Variants in ATM observed in about 807,000 individuals in gnomAD.
The protein encoded by ATM is ATM serine/threonine kinase.
In ATM, 308 loss-of-function variants were observed where a neutral mutation model predicts 387.0. The observed-to-expected ratio is 0.80, with a 90% confidence interval of 0.73 to 0.87. The LOEUF (loss-of-function observed/expected upper bound fraction) is 0.87, where lower values mean the gene tolerates loss of function less well. Ranked by LOEUF, ATM falls within the 40% of genes least tolerant of loss-of-function variation. The pLI, the probability that ATM is intolerant of heterozygous loss-of-function variation, is 0.00. For synonymous variants in ATM, 1,156 were observed against 1,187.3 expected (o/e 0.97, Z 0.54); for missense variants, 3,312 against 3,560.9 (o/e 0.93, Z 1.78).
intron 58 of ATM, among the ~76,000 whole-genome samples, 190 bp from the exon 59 acceptor site, chr11:108,347,089 A>G (rs1041617338): frequency 2.0e-5 from 3 of 152,202 alleles, no homozygotes; most frequent in African/African-American, 7.2e-5. Context: ...AAAATGCAAT[A>G]TGCATTAAAA....
intron 10 of ATM, 91 bp from the exon 11 acceptor site, chr11:108,251,746 C>G (rs2080156809): frequency 8.0e-7 from 1 of 1,252,834 alleles, no homozygotes. Context: ...GTCACCTTAA[C>G]TAAATGTATG....
chr11:108,309,235 AC>A (rs547471033), intron 38 of ATM, among the ~76,000 whole-genome samples: 1 of 152,222 alleles, frequency 6.6e-6, no homozygotes, highest in Non-Finnish European at 1.5e-5. Flanking sequence ...CTGTCTTTGA[AC>A]CTCAGTCTTA....
intron 14 of ATM, 68 bp downstream of exon 14, chr11:108,256,408 A>G (rs1211510048): frequency 2.0e-6 from 3 of 1,522,644 alleles, no homozygotes. Context: ...GAAAATTATT[A>G]CATTTGTTTG....
At chr11:108,274,668 G>A (rs1177073820) in intron 22 of ATM, among the ~76,000 whole-genome samples, 9 of 152,206 alleles carry the variant, frequency 5.9e-5, no homozygotes, top group Admixed American at 5.2e-4. Context: ...TTTCCATGTA[G>A]TTGTGTGGTT....
chr11:108,362,180 C>CA (rs2090843696), intron 61 of ATM, among the ~76,000 whole-genome samples: 1 of 142,992 alleles, frequency 7.0e-6, no homozygotes, highest in South Asian at 2.4e-4. Context: ...TTTATGCAGC[C>CA]AAAAAACACA....
intron 30 of ATM, 62 bp downstream of exon 30, chr11:108,292,855 T>A (rs1050401439): frequency 2.6e-6 from 4 of 1,567,792 alleles, no homozygotes; most frequent in Non-Finnish European, 3.5e-6. Context: ...TTAGAAGGAT[T>A]TGAGTGTTTT....
At chr11:108,267,116 A>G in intron 16 of ATM, 55 bp from the exon 17 acceptor site, 1 of 1,572,606 alleles carries the variant, frequency 6.4e-7, no homozygotes, top group East Asian at 2.3e-5. Context: ...AATTTTGACT[A>G]CAGCATGCTC....
chr11:108,343,641 T>G (rs1057114428), intron 57 of ATM, among the ~76,000 whole-genome samples: 1 of 152,160 alleles, frequency 6.6e-6, no homozygotes, highest in South Asian at 2.1e-4. Flanking sequence ...GATAAACTAA[T>G]TCTTAGCAAA....
chr11:108,239,453 A>G lies in ATM; in HGVS notation c.496+3619A>G, dbSNP rs538169503. On this transcript the variant is annotated intron_variant, in intron 5 of 62. Transcript: ENST00000675843. ...TACCAAAATGTCTTTGAGGCTCATC[A>G]GTGTTACAGCTTTTGTCAGAATTTC... is the stretch of plus-strand genomic sequence containing the variant. Among the ~76,000 whole-genome samples the G allele has an allele frequency of 7.2e-4, 109 of 152,328 alleles. 1 individual carries two copies. Among genetic ancestry groups the G allele is most frequent in the African/African-American group, 2.5e-3 (103 of 41,582 alleles).
chr11:108,253,194 A>C (rs997759702), intron 12 of ATM, among the ~76,000 whole-genome samples: 1 of 152,184 alleles, frequency 6.6e-6, no homozygotes, highest in Non-Finnish European at 1.5e-5. Flanking sequence ...TAAGAATATA[A>C]AATTTATATG....
At position 108,338,274 on chromosome 11, in the gene ATM, C is replaced by T. The variant is rs560644674; in HGVS notation, c.8268+2313C>T. 5.9e-5 allele frequency among the ~76,000 whole-genome samples: 9 copies of T among 152,222 alleles called. No individual in the cohort carries two copies. The East Asian group carries it at 1.4e-3, about 23-fold the overall frequency. On this transcript the variant is annotated intron_variant, in intron 56 of 62. Transcript: ENST00000675843. ...GCTGAGGTGAGAGAATCACTTAAAC[C>T]CGGATGGCAGAGGTTGCAGTTGAGC...
intron 49 of ATM, 56 bp from the exon 50 acceptor site, chr11:108,330,158 T>C: frequency 6.4e-7 from 1 of 1,557,846 alleles, no homozygotes; most frequent in East Asian, 2.3e-5. Context: ...TGTGTGATTT[T>C]GTAGTTCTGT....
rs571178980 is a variant in ATM at position 108,319,753 on chromosome 11, T to TG, written c.6348-201_6348-200insG. Among the ~76,000 whole-genome samples, 421 of 152,372 alleles carry TG rather than the reference T, an allele frequency of 2.8e-3. 1 individual carries two copies. Among genetic ancestry groups the TG allele is most frequent in the African/African-American group, 9.7e-3 (403 of 41,590 alleles). ...AGCATATTTAGAACCAGGCAGAGTA[T>TG]CTGAGTAATTTCCTTTTTTTCTGCT... is the stretch of plus-strand genomic sequence containing the variant. On this transcript the variant is annotated intron_variant, in intron 43 of 62. Transcript: ENST00000675843.
At chr11:108,226,645 T>C (rs1237880441) in intron 1 of ATM, 2 of 152,162 alleles carry the variant, frequency 1.3e-5, no homozygotes, top group Non-Finnish European at 2.9e-5. Flanking sequence ...ACTTATCAGC[T>C]CCAAAGCATG....
At chr11:108,333,022 A>G (rs2086451137) in intron 53 of ATM, 122 bp downstream of exon 53, 7 of 1,254,664 alleles carry the variant, frequency 5.6e-6, no homozygotes, top group Non-Finnish European at 7.8e-6. Flanking sequence ...CAAAAGCTTA[A>G]TTTATATCTG....
At chr11:108,230,445 T>TTAC (rs2078953034) in intron 4 of ATM, 1 of 152,172 alleles carries the variant, frequency 6.6e-6, no homozygotes, top group Non-Finnish European at 1.5e-5. Context: ...CTGTCTTTTG[T>TTAC]TACTGCTTCT....
rs587779834 is a variant in ATM at position 108,284,280 on chromosome 11, AG to A, written c.3802del (p.Val1268Ter). On this transcript the variant is annotated frameshift_variant, in exon 26 of 63. Transcript: ENST00000675843. LOFTEE classifies it high-confidence loss of function. Reference protein sequence around the residue: ...PHLVIRSHFDEVKSIANQIQE... With the variant: ...PHLVIRSHFDXVKSIANQIQE... ...CTGGTGATTAGAAGTCATTTTGATG[AG>A]GTGAAGTCCATTGCTAATCAGATTC... 8.4e-5 allele frequency: 135 copies of A among 1,613,134 alleles called. No individual in the cohort carries two copies. The highest frequency in any genetic ancestry group is 1.1e-4 in the Non-Finnish European group (132 of 1,179,266).
intron 23 of ATM, among the ~76,000 whole-genome samples, chr11:108,280,209 G>C (rs2082159723): frequency 2.0e-5 from 3 of 152,194 alleles, no homozygotes; most frequent in Middle Eastern, 3.4e-3. Flanking sequence ...CAATAGATTA[G>C]AAAGATAAGT....
intron 7 of ATM, among the ~76,000 whole-genome samples, chr11:108,245,560 T>G (rs2079805516): frequency 6.6e-6 from 1 of 152,144 alleles, no homozygotes; most frequent in Admixed American, 6.5e-5. Flanking sequence ...GAGTATCACT[T>G]GTTAAGGAGA....
Sources: gnomAD v4.1 joint callset for allele counts (sites outside exome capture counted in the v4.1 genomes callset) on GRCh38, gnomAD v4.1.1 for gene constraint, MANE v1.5 for transcripts, NCBI Gene and HGNC (gene_info 2026-07-23, HGNC 2026-07-21) for gene names.